Variants in ITGA9 observed in about 807,000 individuals in gnomAD.
The protein encoded by ITGA9 is integrin alpha-9.
ITGA9 carries 56 observed loss-of-function variants against 127.8 expected under a neutral mutation model. The ratio of observed to expected loss-of-function variants is 0.44; its 90% CI spans 0.35 to 0.55. The LOEUF is 0.55. Among genes scored for constraint, ITGA9 ranks in the 20% least tolerant of loss-of-function variants. ITGA9 has a pLI of 0.00. For synonymous variants in ITGA9, 508 were observed against 514.5 expected, an observed-to-expected ratio of 0.99 and a Z score of 0.17; for missense variants, 1,196 against 1,347.1, an observed-to-expected ratio of 0.89 and a Z score of 1.76.
intron 16 of ITGA9, among the ~76,000 whole-genome samples, chr3:37,631,439 T>C (rs555853833): frequency 5.3e-4 from 80 of 152,368 alleles, no homozygotes; most frequent in African/African-American, 1.9e-3. Flanking sequence ...AATGATGTTC[T>C]TGGTCACTTC....
rs1348788780 is a variant in ITGA9, at chr3:37,597,592, C to T, written c.1690-31595C>T. Among the ~76,000 whole-genome samples, 6 of 152,072 alleles carry T rather than the reference C, an allele frequency of 3.9e-5. No homozygotes were observed. The highest frequency in any genetic ancestry group is 7.4e-5 in the Non-Finnish European group (5 of 67,998). ...CTACGACCTATGAGGTGCACCTGTC[C>T]GTAGTAAGTACTCAGTAAATGACTG... On this transcript the variant is annotated intron_variant, in intron 15 of 27. Transcript: ENST00000264741. This position sits in a 1 kb window ranked among gnomAD's most constrained non-coding sequence, Gnocchi z 4.6.
intron 3 of ITGA9, 105 bp from the exon 4 acceptor site, chr3:37,481,379 C>A: frequency 6.8e-7 from 1 of 1,465,254 alleles, no homozygotes. Context: ...GGTCCCTCTG[C>A]TCCTCTCTTC....
At position 37,570,162 on chromosome 3, in the gene ITGA9, C is replaced by T. The variant is rs569733632; in HGVS notation, c.1689+27577C>T. Among the ~76,000 whole-genome samples the T allele has an allele frequency of 1.2e-4, 19 of 152,364 alleles. No individual in the cohort carries two copies. The South Asian group carries it at 1.7e-3, about 13-fold the overall frequency. Reference sequence around the variant, plus strand: ...TGCCCGGGGTTTGGCCACCCCTGGCCTTGGCTGACTTCTCATGGATGCAGC... The same window carrying T: ...TGCCCGGGGTTTGGCCACCCCTGGCTTTGGCTGACTTCTCATGGATGCAGC... On this transcript the variant is annotated intron_variant, in intron 15 of 27. Transcript: ENST00000264741.
intron 15 of ITGA9, among the ~76,000 whole-genome samples, chr3:37,613,210 G>C (rs59293396): frequency 8.4e-4 from 127 of 151,394 alleles, no homozygotes; most frequent in Middle Eastern, 3.4e-3. Flanking sequence ...GAGAACATGC[G>C]GTGTTTGGTT....
intron 18 of ITGA9, among the ~76,000 whole-genome samples, chr3:37,689,383 G>C (rs186886360): frequency 2.0e-5 from 3 of 152,276 alleles, no homozygotes; most frequent in Admixed American, 1.3e-4. Flanking sequence ...CATTATAAAA[G>C]AGGGCTTAAT....
intron 18 of ITGA9, among the ~76,000 whole-genome samples, chr3:37,717,062 G>A (rs1015576246): frequency 7.2e-5 from 11 of 152,110 alleles, no homozygotes; most frequent in African/African-American, 1.2e-4. Flanking sequence ...TCCTGTCCTC[G>A]TGGGCATTTC....
intron 17 of ITGA9, among the ~76,000 whole-genome samples, chr3:37,662,435 C>T (rs114734470): frequency 3.3e-5 from 5 of 152,114 alleles, no homozygotes; most frequent in African/African-American, 1.2e-4. Flanking sequence ...CTCCAGGAGC[C>T]AGGGTGGGGA....
At chr3:37,675,874 G>T (rs1209956853) in intron 17 of ITGA9, among the ~76,000 whole-genome samples, 2 of 150,214 alleles carry the variant, frequency 1.3e-5, no homozygotes, top group African/African-American at 4.9e-5. Context: ...CTCCTAAGTA[G>T]CTGGGACTAC....
At chr3:37,704,885 C>A (rs1245623546) in intron 18 of ITGA9, among the ~76,000 whole-genome samples, 7 of 152,070 alleles carry the variant, frequency 4.6e-5, no homozygotes, top group African/African-American at 1.4e-4. Flanking sequence ...GGATAAAAGC[C>A]CTTATTTTTG....
intron 18 of ITGA9, among the ~76,000 whole-genome samples, chr3:37,714,087 C>T (rs912708656): frequency 1.1e-4 from 17 of 152,208 alleles, no homozygotes; most frequent in Non-Finnish European, 1.5e-5. Context: ...AATGCAGGAG[C>T]CATGGAGCCA....
chr3:37,547,751 A>G (rs1035228872), intron 15 of ITGA9, among the ~76,000 whole-genome samples: 1 of 152,162 alleles, frequency 6.6e-6, no homozygotes, highest in East Asian at 1.9e-4. Flanking sequence ...GCAAAAGGGG[A>G]CGCCAACCTT....
At chr3:37,561,738 G>T (rs1294020593) in intron 15 of ITGA9, among the ~76,000 whole-genome samples, 1 of 152,166 alleles carries the variant, frequency 6.6e-6, no homozygotes, top group Non-Finnish European at 1.5e-5. Flanking sequence ...TGGTGACCTT[G>T]TGCTGATCAA....
intron 18 of ITGA9, among the ~76,000 whole-genome samples, chr3:37,695,811 CT>C (rs1700879059): frequency 6.6e-6 from 1 of 152,206 alleles, no homozygotes; most frequent in Non-Finnish European, 1.5e-5. Context: ...GCAGCTGATC[CT>C]TGTGAGACTT....
chr3:37,786,831 A>G (rs958162101), intron 26 of ITGA9, among the ~76,000 whole-genome samples: 1 of 152,046 alleles, frequency 6.6e-6, no homozygotes, highest in African/African-American at 2.4e-5. Flanking sequence ...TCCAAGCACT[A>G]TTTTTGTTTG....
At chr3:37,648,776 T>C (rs1395161114) in intron 16 of ITGA9, among the ~76,000 whole-genome samples, 1 of 152,230 alleles carries the variant, frequency 6.6e-6, no homozygotes, top group East Asian at 1.9e-4. Flanking sequence ...GGTAAGTATA[T>C]GGACAAAATC....
At chr3:37,764,533 G>A (rs913727038) in intron 23 of ITGA9, among the ~76,000 whole-genome samples, 6 of 144,372 alleles carry the variant, frequency 4.2e-5, no homozygotes, top group Admixed American at 7.0e-5. Context: ...TCCAAAACCC[G>A]GCGTTCCCTC....
At chr3:37,550,496 C>A (rs144743468) in intron 15 of ITGA9, among the ~76,000 whole-genome samples, 3 of 152,316 alleles carry the variant, frequency 2.0e-5, no homozygotes, top group Admixed American at 2.0e-4. Flanking sequence ...TAGCATTTTG[C>A]AAATTTCCCT....
chr3:37,516,287 G>T (rs1178053211), intron 9 of ITGA9, among the ~76,000 whole-genome samples: 1 of 152,196 alleles, frequency 6.6e-6, no homozygotes, highest in Non-Finnish European at 1.5e-5. Flanking sequence ...ATAAAGATCG[G>T]AAGGCAGTGT....
At chr3:37,707,769 A>G (rs1470459730) in intron 18 of ITGA9, among the ~76,000 whole-genome samples, 2 of 152,146 alleles carry the variant, frequency 1.3e-5, no homozygotes, top group Non-Finnish European at 2.9e-5. Context: ...TCACCTATGG[A>G]TGTCAGTTCT....
Sources: allele counts gnomAD v4.1 joint callset (sites outside exome capture counted in the v4.1 genomes callset), GRCh38; gene constraint gnomAD v4.1.1; non-coding constraint Gnocchi (gnomAD v3.1); transcripts MANE v1.5; gene names NCBI Gene and HGNC (gene_info 2026-07-23, HGNC 2026-07-21).